ZNF385D: variants seen among roughly 807,000 people sequenced by gnomAD.
The protein encoded by ZNF385D is zinc finger protein 659.
In ZNF385D, 15 loss-of-function variants were observed where a neutral mutation model predicts 35.8. The ratio of observed to expected loss-of-function variants is 0.42; its 90% CI spans 0.28 to 0.64. The LOEUF (loss-of-function observed/expected upper bound fraction) is 0.64, where lower values mean the gene tolerates loss of function less well. Ranked by LOEUF, ZNF385D falls within the 30% of genes least tolerant of loss-of-function variation. The pLI is 0.23. For synonymous variants in ZNF385D, 212 were observed against 186.8 expected (o/e 1.13, Z -1.10); for missense variants, 474 against 494.6 (o/e 0.96, Z 0.39).
At chr3:22,296,953 C>T (rs1257879396) in intron 2 of ZNF385D, among the ~76,000 whole-genome samples, 3 of 152,034 alleles carry the variant, frequency 2.0e-5, no homozygotes, top group African/African-American at 7.2e-5. Context: ...AATTCATCTA[C>T]CCTTGGAAAT....
At chr3:22,309,664 G>A (rs1051394853) in intron 2 of ZNF385D, among the ~76,000 whole-genome samples, 4 of 151,924 alleles carry the variant, frequency 2.6e-5, no homozygotes, top group African/African-American at 7.2e-5. Flanking sequence ...GGTGACAGTC[G>A]ACAATTAAGC....
intron 3 of ZNF385D, among the ~76,000 whole-genome samples, chr3:22,028,082 T>C (rs1448151423): frequency 6.6e-6 from 1 of 152,190 alleles, no homozygotes; most frequent in Non-Finnish European, 1.5e-5. Context: ...TCATGGGCTG[T>C]AGTCAATGGT....
At chr3:21,492,350 A>G (rs1218367848) in intron 4 of ZNF385D, among the ~76,000 whole-genome samples, 1 of 151,758 alleles carries the variant, frequency 6.6e-6, no homozygotes, top group Non-Finnish European at 1.5e-5. Context: ...CACAAATTGA[A>G]TGGGTTTGCT....
At chr3:21,912,788 G>T (rs1216889951) in intron 3 of ZNF385D, among the ~76,000 whole-genome samples, 6 of 152,138 alleles carry the variant, frequency 3.9e-5, no homozygotes, top group African/African-American at 1.4e-4. Context: ...AAAAGCTGTT[G>T]ATAAGATAGA....
chr3:21,864,167 C>A (rs1697207211), intron 3 of ZNF385D, among the ~76,000 whole-genome samples: 1 of 152,078 alleles, frequency 6.6e-6, no homozygotes, highest in African/African-American at 2.4e-5. Flanking sequence ...AATTCTCAAC[C>A]AGTCCTTTTG....
chr3:21,738,503 G>C (rs556461085), intron 1 of ZNF385D, among the ~76,000 whole-genome samples: 5 of 152,184 alleles, frequency 3.3e-5, no homozygotes, highest in Admixed American at 3.3e-4. Flanking sequence ...TTATTAGTAA[G>C]TTACACCTCT....
intron 2 of ZNF385D, among the ~76,000 whole-genome samples, chr3:22,290,570 G>A (rs1382749310): frequency 6.6e-6 from 1 of 152,192 alleles, no homozygotes; most frequent in African/African-American, 2.4e-5. Context: ...GCATTGTGCA[G>A]TATCCTGCCT....
At chr3:22,363,168 A>ACCTTGCCCACTGGG (rs1189067572) in intron 2 of ZNF385D, among the ~76,000 whole-genome samples, 1 of 151,856 alleles carries the variant, frequency 6.6e-6, no homozygotes, top group East Asian at 1.9e-4. Context: ...CACTGCCTGG[A>ACCTTGCCCACTGGG]CCTTGCCCAC....
intron 3 of ZNF385D, among the ~76,000 whole-genome samples, chr3:22,035,845 C>G (rs1490931090): frequency 2.0e-5 from 3 of 152,106 alleles, no homozygotes. Flanking sequence ...TATTGTGGAT[C>G]TTGTTATGAG....
intron 1 of ZNF385D, among the ~76,000 whole-genome samples, chr3:21,670,210 CTT>C (rs963556017): frequency 9.9e-5 from 15 of 151,900 alleles, no homozygotes; most frequent in Non-Finnish European, 1.8e-4. Context: ...TCTTTAGTAT[CTT>C]TTCCCTACAT....
intron 3 of ZNF385D, among the ~76,000 whole-genome samples, chr3:21,756,860 C>T (rs114932674): frequency 6.6e-6 from 1 of 152,076 alleles, no homozygotes; most frequent in Non-Finnish European, 1.5e-5. Context: ...GAAACAAATA[C>T]CTAATTCAAT....
chr3:21,992,414 CTG>C (rs978034077), intron 3 of ZNF385D, among the ~76,000 whole-genome samples: 2 of 152,116 alleles, frequency 1.3e-5, no homozygotes, highest in African/African-American at 4.8e-5. Flanking sequence ...ATAACCGTTT[CTG>C]TGAGTTAGAA....
intron 3 of ZNF385D, among the ~76,000 whole-genome samples, chr3:22,091,455 C>G (rs1701326358): frequency 6.6e-6 from 1 of 152,114 alleles, no homozygotes. Context: ...GTGAGCATAT[C>G]TAACTGGCAG....
intron 3 of ZNF385D, among the ~76,000 whole-genome samples, chr3:22,087,493 C>A (rs184518636): frequency 1.7e-4 from 26 of 152,226 alleles, no homozygotes; most frequent in Admixed American, 1.5e-3. Context: ...TTTCTCCTTC[C>A]TTTGCCTAGG....
chr3:21,754,113 TGTGA>T (rs768101081), upstream of ZNF385D, among the ~76,000 whole-genome samples: 8 of 152,372 alleles, frequency 5.3e-5, no homozygotes, highest in East Asian at 9.6e-4. Context: ...GCTTGATTCC[TGTGA>T]GTAATACTGC....
At position 22,048,849 on chromosome 3, in the gene ZNF385D, A is replaced by G. The variant is rs749300506; in HGVS notation, c.325+119968T>C. 2.6e-5 allele frequency among the ~76,000 whole-genome samples: 4 copies of G among 152,204 alleles called. No homozygotes were observed. In the South Asian group the frequency reaches 6.2e-4, roughly 24 times the overall value. On this transcript the variant is annotated intron_variant, in intron 3 of 5. Coordinates refer to the ZNF385D transcript ENST00000494108. ...ATCACTTTGGATAGTACGGACAATA[A>G]TAATTATTAATTCTTTCAATTCATG...
At position 21,783,239 on chromosome 3, in the gene ZNF385D, T is replaced by A. The variant is rs368507308; in HGVS notation, c.326-118211A>T. 1.6e-4 allele frequency among the ~76,000 whole-genome samples: 25 copies of A among 152,288 alleles called. 1 individual carries two copies. In the South Asian group the frequency reaches 5.0e-3, roughly 30 times the overall value. On this transcript the variant is annotated intron_variant, in intron 3 of 5. Transcript: ENST00000494108. Reference sequence around the variant, plus strand: ...ATGAAGAGCCTGGATAGGTAATGAATAAGCCATTAATAAATACAAGGGTTT... The same window carrying A: ...ATGAAGAGCCTGGATAGGTAATGAAAAAGCCATTAATAAATACAAGGGTTT...
intron 4 of ZNF385D, among the ~76,000 whole-genome samples, chr3:21,504,826 C>G (rs552327293): frequency 6.6e-6 from 1 of 152,208 alleles, no homozygotes; most frequent in Admixed American, 6.5e-5. Flanking sequence ...GGGTCCAGCA[C>G]AGAGGTACAT....
At chr3:21,790,235 C>G (rs181227493) in intron 3 of ZNF385D, among the ~76,000 whole-genome samples, 1 of 123,038 alleles carries the variant, frequency 8.1e-6, no homozygotes, top group Non-Finnish European at 1.7e-5. Flanking sequence ...CTTTAAAAAT[C>G]GATGCATATG....
Sources: gnomAD v4.1 joint callset for allele counts (sites outside exome capture counted in the v4.1 genomes callset) on GRCh38, gnomAD v4.1.1 for gene constraint, MANE v1.5 for transcripts, NCBI Gene and HGNC (gene_info 2026-07-23, HGNC 2026-07-21) for gene names.